Variants in KCNAB1 observed in about 807,000 individuals in gnomAD.
The protein encoded by KCNAB1 is voltage-gated potassium channel subunit beta-1.
A neutral mutation model predicts 64.6 loss-of-function variants in KCNAB1; 35 were observed. The observed-to-expected ratio is 0.54, with a 90% CI of 0.41 to 0.72. The LOEUF is 0.72. Among genes scored for constraint, KCNAB1 ranks in the 30% least tolerant of loss-of-function variants. The pLI is 0.00. For missense variants in KCNAB1, 401 were observed against 512.9 expected (o/e 0.78, Z 2.11); for synonymous variants, 177 against 183.8 (o/e 0.96, Z 0.30).
intron 13 of KCNAB1, among the ~76,000 whole-genome samples, chr3:156,533,057 C>T (rs1010561299): frequency 1.1e-4 from 17 of 152,148 alleles, no homozygotes; most frequent in African/African-American, 3.6e-4. Context: ...TATTGTATAC[C>T]AGGTACTGGA....
intron 1 of KCNAB1, among the ~76,000 whole-genome samples, chr3:156,340,159 C>T (rs1227676832): frequency 6.6e-6 from 1 of 152,070 alleles, no homozygotes; most frequent in Non-Finnish European, 1.5e-5. Flanking sequence ...TGGATATCAG[C>T]CCTACCCCTC....
rs1388714908 is a variant in KCNAB1 at position 156,514,378 on chromosome 3, A to G, written c.673A>G (p.Met225Val). The G allele has an allele frequency of 6.2e-7, 1 of 1,613,980 alleles. No homozygotes were observed. Among genetic ancestry groups the G allele is most frequent in the African/African-American group, 1.3e-5 (1 of 75,052 alleles). The change falls in exon 9 of 14, where the codon ATG becomes GTG. Residue 225 changes from methionine to valine, a missense_variant. Met to Val is a conservative substitution (Grantham distance 21). Transcript: ENST00000490337. ...ACCTTCCACAGAAATTGTCCGAGCC[A>G]TGACACATGTGATAAACCAAGGCAT... ...NTPMEEIVRA[M>V]THVINQGMAM... is the part of the protein sequence containing the mutation.
chr3:156,123,472 G>A (rs1394556940), intron 1 of KCNAB1, among the ~76,000 whole-genome samples: 1 of 152,190 alleles, frequency 6.6e-6, no homozygotes, highest in Non-Finnish European at 1.5e-5. Context: ...TAAATGATTG[G>A]AAGAAAGCAT....
chr3:156,311,791 C>T (rs772175118), intron 1 of KCNAB1, among the ~76,000 whole-genome samples: 3 of 152,156 alleles, frequency 2.0e-5, no homozygotes, highest in Admixed American at 1.3e-4. Context: ...AGGGACACAT[C>T]AATACGAGTG....
intron 1 of KCNAB1, among the ~76,000 whole-genome samples, chr3:156,397,343 A>C (rs1713536998): frequency 6.6e-6 from 1 of 152,218 alleles, no homozygotes; most frequent in Non-Finnish European, 1.5e-5. Context: ...TCTCTGTAGA[A>C]AGAGCATTAC....
At chr3:156,285,115 T>C (rs915925027) in intron 1 of KCNAB1, among the ~76,000 whole-genome samples, 7 of 152,214 alleles carry the variant, frequency 4.6e-5, no homozygotes, top group African/African-American at 1.7e-4. Context: ...AAACAAGGGA[T>C]AAGAAAGCAT....
chr3:156,462,532 C>T (rs1712999250), intron 5 of KCNAB1, among the ~76,000 whole-genome samples: 1 of 152,166 alleles, frequency 6.6e-6, no homozygotes, highest in Non-Finnish European at 1.5e-5. Context: ...TATCGACCTT[C>T]CATTATAGTG....
At chr3:156,131,524 G>A (rs767967797) in intron 1 of KCNAB1, among the ~76,000 whole-genome samples, 2 of 152,212 alleles carry the variant, frequency 1.3e-5, no homozygotes, top group Non-Finnish European at 2.9e-5. Context: ...TAGGCTGTAG[G>A]TGAATGCCTT....
chr3:156,423,952 A>G (rs759310271), intron 2 of KCNAB1, among the ~76,000 whole-genome samples: 1 of 152,200 alleles, frequency 6.6e-6, no homozygotes, highest in Non-Finnish European at 1.5e-5. Context: ...TTGGAAGGAT[A>G]GAAAGTGGTT....
chr3:156,514,961 T>C, intron 9 of KCNAB1, 139 bp from the exon 10 acceptor site: 1 of 740,042 alleles, frequency 1.4e-6, no homozygotes, highest in Non-Finnish European at 2.0e-6. Flanking sequence ...TGGTGACAAA[T>C]TTGCTTATTA....
intron 8 of KCNAB1, among the ~76,000 whole-genome samples, chr3:156,502,532 CCACA>C (rs60469602): frequency 0.027 from 3,896 of 142,830 alleles, 85 homozygotes; most frequent in African/African-American, 0.052. Flanking sequence ...TACCTTACAA[CCACA>C]CACACACACA....
chr3:156,223,270 G>T (rs1315016558), intron 1 of KCNAB1, among the ~76,000 whole-genome samples: 2 of 152,180 alleles, frequency 1.3e-5, no homozygotes, highest in Non-Finnish European at 2.9e-5. Context: ...TGCAAAGAGT[G>T]AAAGAACAAA....
At chr3:156,189,074 TA>T (rs1384568952) in intron 1 of KCNAB1, among the ~76,000 whole-genome samples, 2 of 152,200 alleles carry the variant, frequency 1.3e-5, no homozygotes, top group African/African-American at 4.8e-5. Context: ...TCCTGCTCTC[TA>T]AAAGTGCTGG....
upstream of KCNAB1, among the ~76,000 whole-genome samples, chr3:156,118,745 A>C (rs1336678305): frequency 6.6e-6 from 1 of 152,218 alleles, no homozygotes; most frequent in Non-Finnish European, 1.5e-5. Flanking sequence ...TCTTTGGCTG[A>C]ATGAGCATAG....
At chr3:156,168,120 A>G (rs773273435) in intron 1 of KCNAB1, among the ~76,000 whole-genome samples, 34 of 152,092 alleles carry the variant, frequency 2.2e-4, no homozygotes, top group Non-Finnish European at 4.0e-4. Context: ...GGAGGATAGC[A>G]TGGACCCGGG....
At chr3:156,278,111 G>A (rs1719453517) in intron 1 of KCNAB1, among the ~76,000 whole-genome samples, 1 of 152,018 alleles carries the variant, frequency 6.6e-6, no homozygotes, top group African/African-American at 2.4e-5. Flanking sequence ...CTTCAAAAAT[G>A]AATGGAATAA....
At chr3:156,168,196 C>T (rs1238407036) in intron 1 of KCNAB1, among the ~76,000 whole-genome samples, 1 of 152,072 alleles carries the variant, frequency 6.6e-6, no homozygotes, top group Non-Finnish European at 1.5e-5. Flanking sequence ...GAGTGAGATT[C>T]TGTCCCACCC....
chr3:156,445,112 A>G (rs1717304879), intron 2 of KCNAB1, among the ~76,000 whole-genome samples: 1 of 152,202 alleles, frequency 6.6e-6, no homozygotes, highest in Non-Finnish European at 1.5e-5. Flanking sequence ...CATGGCCAAC[A>G]TGGTGAAACC....
chr3:156,201,986 C>T (rs1288146987), intron 1 of KCNAB1, among the ~76,000 whole-genome samples: 1 of 152,114 alleles, frequency 6.6e-6, no homozygotes, highest in Non-Finnish European at 1.5e-5. Context: ...CAGAGGCGAG[C>T]AGACCAAGGG....
Sources: allele counts gnomAD v4.1 joint callset (sites outside exome capture counted in the v4.1 genomes callset), GRCh38; gene constraint gnomAD v4.1.1; transcripts MANE v1.5; gene names NCBI Gene and HGNC (gene_info 2026-07-23, HGNC 2026-07-21).